The following CDH13 variants were observed in gnomAD, a reference collection of about 807,000 sequenced individuals.
CDH13 encodes the protein cadherin 13.
A neutral mutation model predicts 63.8 loss-of-function variants in CDH13; 24 were observed. The observed-to-expected ratio is 0.38, with a 90% CI of 0.27 to 0.53. The LOEUF is 0.53. Among genes scored for constraint, CDH13 ranks in the 20% least tolerant of loss-of-function variants. The pLI is 0.85. For missense variants in CDH13, 1,049 were observed against 903.1 expected, an observed-to-expected ratio of 1.16 and a Z score of -2.07; for synonymous variants, 503 against 355.3, an observed-to-expected ratio of 1.42 and a Z score of -4.67.
intron 1 of CDH13, among the ~76,000 whole-genome samples, chr16:82,783,201 G>A (rs563262341): frequency 5.8e-4 from 88 of 152,292 alleles, no homozygotes; most frequent in African/African-American, 1.3e-3. Context: ...AGCCAGACCT[G>A]CTCAGCTCCT....
chr16:83,093,732 C>T (rs1432624701), intron 3 of CDH13, among the ~76,000 whole-genome samples: 2 of 152,198 alleles, frequency 1.3e-5, no homozygotes, highest in Non-Finnish European at 1.5e-5. Context: ...GCGCTTGTAC[C>T]TCCACTCCCT....
At chr16:82,923,877 A>T (rs2151284790) in intron 2 of CDH13, among the ~76,000 whole-genome samples, 1 of 152,312 alleles carries the variant, frequency 6.6e-6, no homozygotes, top group East Asian at 1.9e-4. Context: ...GGGAATTGGG[A>T]TCCTGGTTCT....
rs113454926 is a variant in CDH13, at chr16:82,886,830, C to A, written c.157+28357C>A. The stretch of plus-strand genomic sequence containing the variant: ...GACTCGGAAGTTGCTTACTTCCCTA[C>A]CTTTGAGTGGGTCTCATTTTATCTC... On this transcript the variant is annotated intron_variant, in intron 2 of 13. Transcript: ENST00000567109. 8.1e-3 allele frequency among the ~76,000 whole-genome samples: 1,236 copies of A among 152,184 alleles called. 12 individuals carry two copies. The highest frequency in any genetic ancestry group is 0.027 in the African/African-American group (1,120 of 41,518).
chr16:83,031,839 T>C (rs1009689185), intron 2 of CDH13, among the ~76,000 whole-genome samples, 171 bp from the exon 3 acceptor site: 1 of 152,162 alleles, frequency 6.6e-6, no homozygotes, highest in African/African-American at 2.4e-5. Context: ...GTGAAGTCCA[T>C]CAGCACAAAG....
chr16:83,087,671 CAAAAAAAAAA>C (rs67228844), intron 3 of CDH13, among the ~76,000 whole-genome samples: 53 of 44,002 alleles, frequency 1.2e-3, no homozygotes, highest in African/African-American at 4.2e-3. Flanking sequence ...CCCTCCGTCT[CAAAAAAAAAA>C]AAAAAAAAAA....
chr16:82,748,163 G>T (rs1322896018), intron 1 of CDH13, among the ~76,000 whole-genome samples: 1 of 152,126 alleles, frequency 6.6e-6, no homozygotes, highest in Non-Finnish European at 1.5e-5. Flanking sequence ...TCATAGCTGG[G>T]GACTCTGCCA....
chr16:83,248,923 C>A (rs940803491), intron 5 of CDH13, among the ~76,000 whole-genome samples: 1 of 152,202 alleles, frequency 6.6e-6, no homozygotes, highest in Admixed American at 6.5e-5. Flanking sequence ...CCAAACTGAA[C>A]TCAACACTTA....
chr16:83,194,925 A>T (rs1287498473), intron 4 of CDH13, among the ~76,000 whole-genome samples: 1 of 152,208 alleles, frequency 6.6e-6, no homozygotes, highest in African/African-American at 2.4e-5. Flanking sequence ...CTGCTTTGAC[A>T]TACAAACCCA....
intron 8 of CDH13, among the ~76,000 whole-genome samples, chr16:83,656,182 A>C (rs1006096288): frequency 2.0e-5 from 3 of 152,186 alleles, no homozygotes; most frequent in African/African-American, 4.8e-5. Context: ...GGAATCATAT[A>C]GTTTTTAAGA....
intron 1 of CDH13, among the ~76,000 whole-genome samples, chr16:82,641,249 C>T (rs938932619): frequency 3.3e-5 from 5 of 152,192 alleles, no homozygotes; most frequent in African/African-American, 1.2e-4. Flanking sequence ...CTTCTCTGTG[C>T]TTCCCTGCTG....
chr16:83,302,345 T>G (rs968888872), intron 5 of CDH13, among the ~76,000 whole-genome samples: 1 of 152,224 alleles, frequency 6.6e-6, no homozygotes, highest in Admixed American at 6.5e-5. Flanking sequence ...GATAATTCCA[T>G]GGCAATCAAA....
chr16:83,686,854 G>A (rs1410281975), intron 10 of CDH13, among the ~76,000 whole-genome samples: 6 of 152,110 alleles, frequency 3.9e-5, no homozygotes, highest in Non-Finnish European at 8.8e-5. Context: ...GTAACCAGGT[G>A]GAATAGATTA....
At chr16:83,695,599 A>G (rs147933883) in intron 10 of CDH13, among the ~76,000 whole-genome samples, 6 of 152,254 alleles carry the variant, frequency 3.9e-5, no homozygotes, top group Non-Finnish European at 8.8e-5. Context: ...AAAAGAAGAT[A>G]AATCTCTGAA....
At chr16:83,402,696 A>G (rs1406353264) in intron 6 of CDH13, among the ~76,000 whole-genome samples, 6 of 152,234 alleles carry the variant, frequency 3.9e-5, no homozygotes, top group Non-Finnish European at 8.8e-5. Flanking sequence ...AAAGTCAAGC[A>G]TTAGCATAGT....
intron 1 of CDH13, chr16:82,705,295 T>G (rs1029527065): frequency 2.7e-6 from 1 of 375,064 alleles, no homozygotes; most frequent in Middle Eastern, 3.8e-4. Context: ...CAATATATTC[T>G]TACTTAAGAT....
At chr16:82,735,945 C>G (rs530211452) in intron 1 of CDH13, among the ~76,000 whole-genome samples, 2 of 152,212 alleles carry the variant, frequency 1.3e-5, no homozygotes, top group African/African-American at 2.4e-5. Context: ...GCTATACTCA[C>G]TAGGCTGATT....
At chr16:83,575,362 C>T (rs1905013180) in intron 7 of CDH13, among the ~76,000 whole-genome samples, 1 of 152,206 alleles carries the variant, frequency 6.6e-6, no homozygotes, top group African/African-American at 2.4e-5. Context: ...CAAAAAGTGT[C>T]CCACACTATA....
intron 6 of CDH13, among the ~76,000 whole-genome samples, chr16:83,424,852 C>T (rs1213124135): frequency 6.6e-6 from 1 of 152,166 alleles, no homozygotes; most frequent in Non-Finnish European, 1.5e-5. Context: ...CTTGTGCACT[C>T]TCCCTTTGTT....
intron 8 of CDH13, among the ~76,000 whole-genome samples, chr16:83,607,176 G>A (rs1212398810): frequency 3.9e-5 from 6 of 152,138 alleles, no homozygotes; most frequent in Non-Finnish European, 5.9e-5. Flanking sequence ...CCAGCACTCC[G>A]GGAGGCCGAG....
Sources: gnomAD v4.1 joint callset for allele counts (sites outside exome capture counted in the v4.1 genomes callset) on GRCh38, gnomAD v4.1.1 for gene constraint, MANE v1.5 for transcripts, NCBI Gene and HGNC (gene_info 2026-07-23, HGNC 2026-07-21) for gene names.